SGMS1: variants seen among roughly 807,000 people sequenced by gnomAD.
SGMS1 encodes the protein sphingomyelin synthase 1.
A neutral mutation model predicts 46.2 loss-of-function variants in SGMS1; 13 were observed. The observed-to-expected ratio is 0.28, with a 90% CI of 0.18 to 0.45. The LOEUF is 0.45. Ranked by LOEUF, SGMS1 falls within the 20% of genes least tolerant of loss-of-function variation. SGMS1 has a pLI of 1.00. For missense variants in SGMS1, 324 were observed against 519.9 expected (o/e 0.62, Z 3.66); for synonymous variants, 203 against 187.8 (o/e 1.08, Z -0.66).
intron 2 of SGMS1, among the ~76,000 whole-genome samples, chr10:50,585,340 C>CTA (rs1043922652): frequency 4.6e-5 from 7 of 152,208 alleles, no homozygotes; most frequent in African/African-American, 1.4e-4. Flanking sequence ...AACAGTCTGG[C>CTA]ATTACCACAT....
In SGMS1 at chr10:50,344,595, C is replaced by T. The variant is rs192898877; in HGVS notation, c.-231-250G>A. On this transcript the variant is annotated intron_variant, in intron 6 of 10. Transcript: ENST00000361781. ...ATAGAATTTCCAACGGTCAGCCGGG[C>T]GTGGTGGCTCACGCCTGTAATCCCA... Among the ~76,000 whole-genome samples, 7 of 152,224 alleles carry T rather than the reference C, an allele frequency of 4.6e-5. 1 individual carries two copies. In the East Asian group the frequency reaches 7.7e-4, roughly 17 times the overall value.
chr10:50,310,747 G>A (rs933652754), intron 9 of SGMS1, among the ~76,000 whole-genome samples: 4 of 152,120 alleles, frequency 2.6e-5, no homozygotes, highest in Non-Finnish European at 4.4e-5. Context: ...AATATTTTAA[G>A]TACGTTTCTT....
chr10:50,529,118 T>C (rs1005019165), intron 2 of SGMS1, among the ~76,000 whole-genome samples: 1 of 152,220 alleles, frequency 6.6e-6, no homozygotes, highest in Non-Finnish European at 1.5e-5. Context: ...TAGGTGTGGA[T>C]ACAGCAGGAA....
At chr10:50,383,724 T>A (rs1476824072) in intron 6 of SGMS1, among the ~76,000 whole-genome samples, 1 of 152,220 alleles carries the variant, frequency 6.6e-6, no homozygotes, top group Non-Finnish European at 1.5e-5. Flanking sequence ...CACACACACA[T>A]ATAATCTATA....
chr10:50,376,469 C>A (rs1848523067), intron 6 of SGMS1, among the ~76,000 whole-genome samples: 1 of 152,166 alleles, frequency 6.6e-6, no homozygotes, highest in Non-Finnish European at 1.5e-5. Flanking sequence ...TTCTAGGGTA[C>A]ATGTGCACAA....
chr10:50,553,232 T>C (rs1317767884), intron 2 of SGMS1, among the ~76,000 whole-genome samples: 1 of 152,150 alleles, frequency 6.6e-6, no homozygotes, highest in African/African-American at 2.4e-5. Flanking sequence ...TATAATTCAG[T>C]GGTTAACACT....
intron 6 of SGMS1, among the ~76,000 whole-genome samples, chr10:50,425,240 A>G (rs1246527732): frequency 6.6e-6 from 1 of 152,254 alleles, no homozygotes; most frequent in Non-Finnish European, 1.5e-5. Flanking sequence ...GCAATCCATT[A>G]CTGCAAATAT....
chr10:50,430,150 T>A (rs1038990351), intron 6 of SGMS1, among the ~76,000 whole-genome samples: 29 of 152,088 alleles, frequency 1.9e-4, no homozygotes, highest in Non-Finnish European at 4.4e-5. Flanking sequence ...TCCTCCCAAC[T>A]CTGTTCAAAG....
intron 1 of SGMS1, among the ~76,000 whole-genome samples, chr10:50,592,680 C>T (rs909267162): frequency 5.3e-5 from 8 of 152,176 alleles, no homozygotes; most frequent in African/African-American, 1.9e-4. Flanking sequence ...GCCTCAGGTA[C>T]GTTCTTGTCA....
At chr10:50,452,363 T>A (rs1588834039) in intron 5 of SGMS1, among the ~76,000 whole-genome samples, 1 of 152,326 alleles carries the variant, frequency 6.6e-6, no homozygotes, top group East Asian at 1.9e-4. Context: ...CCTAAGTTTT[T>A]AATAATTTTT....
At chr10:50,580,431 C>CCT (rs910441173) in intron 2 of SGMS1, among the ~76,000 whole-genome samples, 4 of 151,528 alleles carry the variant, frequency 2.6e-5, no homozygotes, top group Admixed American at 2.6e-4. Flanking sequence ...GGGACCCCCC[C>CCT]CCAAACCCCT....
chr10:50,366,736 G>A (rs1848352119), intron 6 of SGMS1, among the ~76,000 whole-genome samples: 2 of 152,094 alleles, frequency 1.3e-5, no homozygotes, highest in South Asian at 4.2e-4. Flanking sequence ...TCACTCATAA[G>A]TGAGAGTTGA....
chr10:50,458,442 G>A (rs1211819266), intron 5 of SGMS1, among the ~76,000 whole-genome samples: 2 of 137,320 alleles, frequency 1.5e-5, no homozygotes, highest in Non-Finnish European at 1.5e-5. Flanking sequence ...TGCAAGCTCC[G>A]CCTCCCGGGT....
At chr10:50,624,990 G>A (rs780615276), upstream of SGMS1, 5 of 1,028,148 alleles carry the variant, frequency 4.9e-6, no homozygotes, top group Non-Finnish European at 5.9e-6. Context: ...GCTCGGAACC[G>A]ACCTGGGAGC....
In SGMS1 at chr10:50,508,138, C is replaced by A. The variant is rs74881402; in HGVS notation, c.-498+11693G>T. On this transcript the variant is annotated intron_variant, in intron 3 of 10. Coordinates refer to ENST00000361781, the MANE Select transcript of SGMS1 (RefSeq NM_147156.4). The stretch of plus-strand genomic sequence containing the variant: ...GACAACAATGCTCTATTTAAAACTA[C>A]AGTCGTTTATTCTGTGAGTTGTTTT... Among the ~76,000 whole-genome samples, 288 of 152,328 alleles carry A rather than the reference C, an allele frequency of 1.9e-3. 2 individuals carry two copies. The highest frequency in any genetic ancestry group is 0.012 in the East Asian group (63 of 5,190).
chr10:50,521,660 C>T (rs1837857725), intron 2 of SGMS1, among the ~76,000 whole-genome samples: 1 of 152,054 alleles, frequency 6.6e-6, no homozygotes, highest in South Asian at 2.1e-4. Context: ...TATAGCCTCT[C>T]CCCCTTTTTA....
chr10:50,571,339 T>C (rs1588880441), intron 2 of SGMS1, among the ~76,000 whole-genome samples: 3 of 152,234 alleles, frequency 2.0e-5, no homozygotes, highest in Non-Finnish European at 4.4e-5. Context: ...TCAATTTCAA[T>C]AGTTAAGACT....
intron 8 of SGMS1, among the ~76,000 whole-genome samples, chr10:50,326,045 GGA>G (rs1304581994): frequency 6.6e-6 from 1 of 152,098 alleles, no homozygotes; most frequent in Non-Finnish European, 1.5e-5. Context: ...ACTGCAAGAA[GGA>G]GAGTGCAGGG....
At chr10:50,487,284 G>A (rs1042948840) in intron 3 of SGMS1, among the ~76,000 whole-genome samples, 2 of 152,184 alleles carry the variant, frequency 1.3e-5, no homozygotes, top group African/African-American at 4.8e-5. Context: ...GCTGAACAAT[G>A]AGAACACATG....
Sources: gnomAD v4.1 joint callset for allele counts (sites outside exome capture counted in the v4.1 genomes callset) on GRCh38, gnomAD v4.1.1 for gene constraint, MANE v1.5 for transcripts, NCBI Gene and HGNC (gene_info 2026-07-23, HGNC 2026-07-21) for gene names.